HFM1: variants seen among roughly 807,000 people sequenced by gnomAD.
HFM1 encodes the protein helicase for meiosis 1, also known as probable ATP-dependent DNA helicase HFM1.
Under a neutral mutation model 192.1 loss-of-function variants are expected in HFM1, and 169 were observed. The ratio of observed to expected loss-of-function variants is 0.88; its 90% CI spans 0.78 to 1.00. The LOEUF is 1.00. Among genes scored for constraint, HFM1 ranks in the 50% least tolerant of loss-of-function variants. The pLI, the probability that HFM1 is intolerant of heterozygous loss-of-function variation, is 0.00. For synonymous variants in HFM1, 525 were observed against 537.8 expected, an observed-to-expected ratio of 0.98 and a Z score of 0.33; for missense variants, 1,661 against 1,668.0, an observed-to-expected ratio of 1.00 and a Z score of 0.07.
At chr1:91,329,228 G>A in intron 20 of HFM1, 2 of 1,609,666 alleles carry the variant, frequency 1.2e-6, no homozygotes, top group Non-Finnish European at 1.7e-6. Flanking sequence ...AGCTCTTCTT[G>A]GAACCTGAGG....
At chr1:91,306,703 CA>C (rs1173545318) in intron 30 of HFM1, among the ~76,000 whole-genome samples, 1 of 151,892 alleles carries the variant, frequency 6.6e-6, no homozygotes, top group Non-Finnish European at 1.5e-5. Flanking sequence ...ATTAAAAAAA[CA>C]AAACATTAGA....
chr1:91,267,158 TAA>T (rs1284694640), intron 35 of HFM1, among the ~76,000 whole-genome samples: 1 of 152,102 alleles, frequency 6.6e-6, no homozygotes, highest in Non-Finnish European at 1.5e-5. Context: ...TGAAATAGAG[TAA>T]ATTTGCCTTT....
intron 35 of HFM1, 117 bp downstream of exon 35, chr1:91,267,628 C>T: frequency 7.3e-6 from 4 of 550,758 alleles, no homozygotes; most frequent in Non-Finnish European, 1.3e-5. Flanking sequence ...CTTAACAAAC[C>T]AAATCTAACT....
At chr1:91,283,315 C>T (rs1278473131) in intron 30 of HFM1, among the ~76,000 whole-genome samples, 1 of 152,142 alleles carries the variant, frequency 6.6e-6, no homozygotes, top group African/African-American at 2.4e-5. Flanking sequence ...ACCATCACGG[C>T]TCACTGAAAC....
At chr1:91,404,498 T>G (rs1664656913) in intron 1 of HFM1, 1 of 212,376 alleles carries the variant, frequency 4.7e-6, no homozygotes. Flanking sequence ...TCAGCCGACT[T>G]TAGGGGCGGG....
At chr1:91,381,946 T>C (rs1661592656) in intron 6 of HFM1, among the ~76,000 whole-genome samples, 1 of 152,092 alleles carries the variant, frequency 6.6e-6, no homozygotes, top group Non-Finnish European at 1.5e-5. Context: ...TCTCTCAAAG[T>C]GTATGGCTAT....
chr1:91,362,398 A>T (rs375394917), intron 13 of HFM1, among the ~76,000 whole-genome samples: 2 of 152,182 alleles, frequency 1.3e-5, no homozygotes, highest in Non-Finnish European at 2.9e-5. Flanking sequence ...ATACACCAAC[A>T]ACAGGCAGTC....
Position 91,385,179 on chromosome 1 carries a change from A to G in HFM1, c.802+8T>C. On this transcript the variant is annotated splice_region_variant and intron_variant, in intron 6 of 38. Coordinates refer to ENST00000370425, the MANE Select transcript of HFM1 (RefSeq NM_001017975.6). ...CAAAGCAGCTATTGTAAATAACTTAAAGGATACGAATTTCTGTGACAGCCT... is the reference window on the plus strand; with the variant it reads ...CAAAGCAGCTATTGTAAATAACTTAGAGGATACGAATTTCTGTGACAGCCT... 1 of 1,491,196 alleles carries G rather than the reference A, an allele frequency of 6.7e-7. No individual in the cohort carries two copies. Among genetic ancestry groups the G allele is most frequent in the Middle Eastern group, 1.7e-4 (1 of 5,802 alleles). The allele number at this position is 1,491,196 out of a possible 1,614,324, so 92.4% of individuals were successfully genotyped here.
chr1:91,366,216 A>C (rs956112778), intron 13 of HFM1, among the ~76,000 whole-genome samples: 1 of 152,210 alleles, frequency 6.6e-6, no homozygotes, highest in Non-Finnish European at 1.5e-5. Context: ...AGGAACTTGT[A>C]GTGTATTTCA....
intron 20 of HFM1, among the ~76,000 whole-genome samples, chr1:91,330,574 AAAG>A (rs1378902811): frequency 6.6e-6 from 1 of 152,218 alleles, no homozygotes; most frequent in African/African-American, 2.4e-5. Context: ...CCAAACATTT[AAAG>A]AAGAACTACC....
chr1:91,314,026 T>C lies in HFM1; in HGVS notation c.3175A>G (p.Lys1059Glu), dbSNP rs777243838. The change falls in exon 29 of 39, where the codon AAA (lysine) becomes GAA (glutamate). Residue 1059 changes from lysine (K) to glutamate (E), a missense_variant. Physicochemically the swap from Lys to Glu is moderately conservative, Grantham distance 56. Coordinates refer to ENST00000370425, the MANE Select transcript of HFM1 (RefSeq NM_001017975.6). ...AGAGCTCTTTTCACAGCAATCTTTTTAGCCCAACTTCCAGCTTTTAGCAAA... is the reference window on the plus strand; with the variant it reads ...AGAGCTCTTTTCACAGCAATCTTTTCAGCCCAACTTCCAGCTTTTAGCAAA... ...SVLLKAGSWAKKIAVKRALKS... is the reference protein window; with the variant it reads ...SVLLKAGSWAEKIAVKRALKS... 94 of 1,610,342 alleles carry C rather than the reference T, an allele frequency of 5.8e-5. No homozygotes were observed. Among genetic ancestry groups the C allele is most frequent in the Non-Finnish European group, 7.8e-5 (92 of 1,177,588 alleles).
intron 4 of HFM1, among the ~76,000 whole-genome samples, chr1:91,392,228 C>A (rs1432456963): frequency 6.6e-6 from 1 of 151,974 alleles, no homozygotes; most frequent in Non-Finnish European, 1.5e-5. Context: ...ACCATTTGAC[C>A]CAGCCATCCC....
intron 2 of HFM1, among the ~76,000 whole-genome samples, chr1:91,399,246 C>T (rs1179690080): frequency 2.0e-5 from 3 of 151,986 alleles, no homozygotes; most frequent in African/African-American, 7.2e-5. Context: ...ATAGAGGGAA[C>T]CTATAATATG....
intron 33 of HFM1, 47 bp from the exon 34 acceptor site, chr1:91,273,862 T>A: frequency 9.9e-7 from 1 of 1,013,930 alleles, no homozygotes; most frequent in Non-Finnish European, 1.5e-6. Context: ...ATATGGAAAT[T>A]AATCTAAGCC....
chr1:91,356,506 A>G (rs182185228), intron 13 of HFM1, among the ~76,000 whole-genome samples: 25 of 152,290 alleles, frequency 1.6e-4, no homozygotes, highest in Middle Eastern at 3.4e-3. Flanking sequence ...TATATTAAAA[A>G]AAGAAGATAC....
At chr1:91,292,608 A>C (rs1385186362) in intron 30 of HFM1, among the ~76,000 whole-genome samples, 2 of 152,176 alleles carry the variant, frequency 1.3e-5, no homozygotes, top group South Asian at 2.1e-4. Context: ...AATCAATATC[A>C]TGAAAATGGC....
intron 30 of HFM1, among the ~76,000 whole-genome samples, chr1:91,289,420 G>A (rs891521317): frequency 1.5e-4 from 23 of 152,224 alleles, no homozygotes; most frequent in African/African-American, 5.5e-4. Flanking sequence ...CCAGACGATG[G>A]GCGGCCAGGC....
chr1:91,347,317 C>G, intron 19 of HFM1, 112 bp downstream of exon 19: 1 of 523,658 alleles, frequency 1.9e-6, no homozygotes, highest in Non-Finnish European at 3.3e-6. Context: ...TTTCTGCAGA[C>G]AAGTTTCCTT....
chr1:91,272,190 C>T (rs1666368773), intron 34 of HFM1, among the ~76,000 whole-genome samples: 1 of 152,016 alleles, frequency 6.6e-6, no homozygotes, highest in African/African-American at 2.4e-5. Context: ...GTACCAGAAA[C>T]CCTAACAGCT....
Sources: allele counts gnomAD v4.1 joint callset (sites outside exome capture counted in the v4.1 genomes callset), GRCh38; gene constraint gnomAD v4.1.1; transcripts MANE v1.5; gene names NCBI Gene and HGNC (gene_info 2026-07-23, HGNC 2026-07-21).